The following BMAL1 variants were observed in gnomAD, a reference collection of about 807,000 sequenced individuals.
BMAL1 encodes the protein basic helix-loop-helix ARNT like 1.
At chr11:13,344,444 C>G in the BMAL1 span, among the ~76,000 whole-genome samples, 2 of 152,186 alleles carry the variant, frequency 1.3e-5, no homozygotes, top group African/African-American at 2.4e-5. Context: ...TTGAATTGGT[C>G]ATGCTGTCAT....
the BMAL1 span, among the ~76,000 whole-genome samples, chr11:13,311,748 T>C: frequency 1.3e-5 from 2 of 152,152 alleles, no homozygotes; most frequent in East Asian, 3.9e-4. Flanking sequence ...CTTGTGATTG[T>C]GTTCTTATGC....
the BMAL1 span, among the ~76,000 whole-genome samples, chr11:13,293,607 A>G: frequency 6.6e-6 from 1 of 152,362 alleles, no homozygotes; most frequent in South Asian, 2.1e-4. Flanking sequence ...TTAATCCTGG[A>G]CAGTCTTCTC....
At chr11:13,369,756 C>CAAAAAA in the BMAL1 span, 4 of 1,601,456 alleles carry the variant, frequency 2.5e-6, no homozygotes, top group Middle Eastern at 1.7e-4. Context: ...TCTACCTGCT[C>CAAAAAA]AAAGAAAAAA....
chr11:13,354,084 A>G, the BMAL1 span, among the ~76,000 whole-genome samples: 109 of 152,206 alleles, frequency 7.2e-4, 2 homozygotes, highest in East Asian at 8.5e-3. Context: ...ATTTCCTACA[A>G]AAACTCTTAA....
At chr11:13,376,976 G>A in the BMAL1 span, among the ~76,000 whole-genome samples, 1 of 152,204 alleles carries the variant, frequency 6.6e-6, no homozygotes, top group Non-Finnish European at 1.5e-5. Flanking sequence ...AAGCCCTTGA[G>A]CTCGCAAACT....
chr11:13,298,635 G>A, the BMAL1 span, among the ~76,000 whole-genome samples: 1 of 152,158 alleles, frequency 6.6e-6, no homozygotes, highest in Non-Finnish European at 1.5e-5. Context: ...GGCAGTAGGG[G>A]TTCAGTGATG....
At chr11:13,287,271 A>T in the BMAL1 span, among the ~76,000 whole-genome samples, 1 of 152,190 alleles carries the variant, frequency 6.6e-6, no homozygotes, top group African/African-American at 2.4e-5. Context: ...TGCCTCATAG[A>T]GAGTGACAGA....
At chr11:13,284,266 AT>A in the BMAL1 span, among the ~76,000 whole-genome samples, 124 of 44,868 alleles carry the variant, frequency 2.8e-3, 7 homozygotes, top group African/African-American at 8.2e-3. Context: ...ATATATATAT[AT>A]TTTTTTTTTT....
the BMAL1 span, chr11:13,365,282 AACAC>A: frequency 0.018 from 3,204 of 182,576 alleles, 43 homozygotes; most frequent in African/African-American, 0.048. Flanking sequence ...GATATGCAGA[AACAC>A]ACACACACAC....
the BMAL1 span, chr11:13,354,268 AAC>A: frequency 1.9e-6 from 3 of 1,559,646 alleles, no homozygotes; most frequent in South Asian, 3.5e-5. Flanking sequence ...CATCGAAATA[AAC>A]ACACCTTTGT....
the BMAL1 span, among the ~76,000 whole-genome samples, chr11:13,309,152 A>C: frequency 2.0e-5 from 3 of 152,170 alleles, no homozygotes; most frequent in Admixed American, 6.5e-5. Flanking sequence ...TTGGGGCCCC[A>C]TCATGAACTT....
the BMAL1 span, among the ~76,000 whole-genome samples, chr11:13,365,004 C>G: frequency 4.6e-5 from 7 of 152,030 alleles, no homozygotes; most frequent in African/African-American, 1.7e-4. Context: ...AAACACTGCT[C>G]CGAATGTTGA....
At chr11:13,284,254 ATATATATATATATTTTT>A in the BMAL1 span, among the ~76,000 whole-genome samples, 8 of 25,696 alleles carry the variant, frequency 3.1e-4, 1 homozygote, top group Admixed American at 1.4e-3. Context: ...ATATATATAT[ATATATATATATATTTTT>A]TTTTTTAATG....
chr11:13,287,592 C>T, the BMAL1 span, among the ~76,000 whole-genome samples: 23 of 152,336 alleles, frequency 1.5e-4, 1 homozygote, highest in African/African-American at 5.3e-4. Flanking sequence ...TTCCTCCACT[C>T]TCTAGCAGTA....
At chr11:13,381,069 G>C in the BMAL1 span, 90 of 1,326,652 alleles carry the variant, frequency 6.8e-5, no homozygotes, top group Admixed American at 1.4e-4. Flanking sequence ...CCCTAATCTA[G>C]ATCTTCATCC....
the BMAL1 span, among the ~76,000 whole-genome samples, chr11:13,377,350 T>G: frequency 6.6e-6 from 1 of 152,170 alleles, no homozygotes; most frequent in African/African-American, 2.4e-5. Flanking sequence ...CCAAGCTGAT[T>G]TTCTGCACTC....
At chr11:13,278,826 G>A in the BMAL1 span, among the ~76,000 whole-genome samples, 1 of 152,240 alleles carries the variant, frequency 6.6e-6, no homozygotes, top group Non-Finnish European at 1.5e-5. Context: ...AAAGGTTCCC[G>A]CTCGGCTATT....
the BMAL1 span, among the ~76,000 whole-genome samples, chr11:13,358,945 G>A: frequency 2.6e-5 from 4 of 152,146 alleles, no homozygotes; most frequent in African/African-American, 4.8e-5. Context: ...ATTATAACAC[G>A]CAGAAATGTA....
the BMAL1 span, among the ~76,000 whole-genome samples, chr11:13,311,373 C>A: frequency 6.6e-6 from 1 of 152,036 alleles, no homozygotes; most frequent in Non-Finnish European, 1.5e-5. Context: ...GGAGGAGAGT[C>A]CCGGGAAGGG....
Sources: allele counts gnomAD v4.1 joint callset (sites outside exome capture counted in the v4.1 genomes callset), GRCh38; gene constraint gnomAD v4.1.1; transcripts MANE v1.5; gene names NCBI Gene and HGNC (gene_info 2026-07-23, HGNC 2026-07-21).